The following RARB variants were observed in gnomAD, a reference collection of about 807,000 sequenced individuals.
The protein encoded by RARB is retinoic acid receptor beta.
In RARB, 17 loss-of-function variants were observed where a neutral mutation model predicts 51.9. The observed-to-expected ratio is 0.33, with a 90% CI of 0.22 to 0.49. The LOEUF is 0.49. RARB is among the 20% of genes least tolerant of loss of function. RARB has a pLI of 0.99. For missense variants in RARB, 369 were observed against 550.8 expected, an observed-to-expected ratio of 0.67 and a Z score of 3.30; for synonymous variants, 215 against 195.4, an observed-to-expected ratio of 1.10 and a Z score of -0.84.
upstream of RARB, among the ~76,000 whole-genome samples, chr3:25,423,694 G>A (rs551461694): frequency 6.6e-6 from 1 of 152,192 alleles, no homozygotes; most frequent in Admixed American, 6.5e-5. Flanking sequence ...AGATTTATAG[G>A]GAGTGATGGA....
At chr3:25,222,094 T>C (rs1701960724) in intron 5 of RARB, among the ~76,000 whole-genome samples, 1 of 152,158 alleles carries the variant, frequency 6.6e-6, no homozygotes, top group Non-Finnish European at 1.5e-5. Flanking sequence ...GCGTGACCTG[T>C]CATTCTAATG....
chr3:24,876,699 A>G (rs10510549), intron 2 of RARB, among the ~76,000 whole-genome samples: 9,051 of 152,194 alleles, frequency 0.059, 515 homozygotes, highest in East Asian at 0.2. Flanking sequence ...TCAAGGACCC[A>G]CAATATATTA....
At chr3:25,135,812 C>CA (rs1220014487) in intron 4 of RARB, among the ~76,000 whole-genome samples, 5 of 151,822 alleles carry the variant, frequency 3.3e-5, no homozygotes, top group Non-Finnish European at 7.4e-5. Context: ...AATCAGGCAC[C>CA]ATGCACCAAG....
At chr3:25,283,913 C>G (rs887239860) in intron 5 of RARB, among the ~76,000 whole-genome samples, 24 of 152,316 alleles carry the variant, frequency 1.6e-4, no homozygotes, top group African/African-American at 5.3e-4. Context: ...CTTGAATAAT[C>G]TCTTCCCTTT....
intron 3 of RARB, among the ~76,000 whole-genome samples, chr3:25,561,460 C>A (rs946328721): frequency 9.9e-5 from 15 of 152,016 alleles, no homozygotes; most frequent in African/African-American, 3.6e-4. Flanking sequence ...GTTCACAGCA[C>A]CATGGATCAG....
chr3:25,180,543 G>A (rs546155073), intron 5 of RARB, among the ~76,000 whole-genome samples: 11 of 152,302 alleles, frequency 7.2e-5, no homozygotes, highest in South Asian at 2.1e-4. Context: ...TGGGAGATTA[G>A]CCTCCATGCA....
At chr3:25,069,156 A>AG (rs1698721229) in intron 3 of RARB, among the ~76,000 whole-genome samples, 2 of 152,292 alleles carry the variant, frequency 1.3e-5, no homozygotes, top group Admixed American at 1.3e-4. Context: ...GAAGAAGGAA[A>AG]GGGAAGAGAA....
intron 5 of RARB, among the ~76,000 whole-genome samples, chr3:25,323,658 T>G (rs1317353355): frequency 6.6e-6 from 1 of 152,200 alleles, no homozygotes; most frequent in East Asian, 1.9e-4. Context: ...AGTTTAGAAC[T>G]CTTCAGAAAA....
intron 2 of RARB, among the ~76,000 whole-genome samples, chr3:25,013,923 T>C (rs1029198806): frequency 1.9e-4 from 29 of 152,090 alleles, no homozygotes; most frequent in African/African-American, 7.0e-4. Flanking sequence ...AACTGAAAAG[T>C]GTCGGATAGT....
intron 5 of RARB, among the ~76,000 whole-genome samples, chr3:25,305,302 C>T (rs1455409987): frequency 6.6e-6 from 1 of 152,030 alleles, no homozygotes; most frequent in Admixed American, 6.6e-5. Context: ...CTGGAGCCTG[C>T]ATTAATTAGG....
Position 25,092,142 on chromosome 3 carries a change from G to C in RARB, c.-328+31966G>C, listed in dbSNP as rs140662837. On this transcript the variant is annotated intron_variant, in intron 3 of 11. Transcript: ENST00000383772. The stretch of plus-strand genomic sequence containing the variant: ...AGCCAGGCTCCAGAAATCTGCTGAC[G>C]AGGCACTTAGGAGAGAGGAGGCGGT... 7.0e-3 allele frequency among the ~76,000 whole-genome samples: 1,061 copies of C among 152,252 alleles called. 9 individuals carry two copies. Among genetic ancestry groups the C allele is most frequent in the African/African-American group, 0.024 (983 of 41,556 alleles).
chr3:25,220,385 G>A (rs993129485), intron 5 of RARB, among the ~76,000 whole-genome samples: 2 of 152,124 alleles, frequency 1.3e-5, no homozygotes, highest in South Asian at 4.1e-4. Context: ...TTTGGAGAAG[G>A]CATGATATCA....
rs531695297 is a variant in RARB, at chr3:25,417,551, C to A, written c.179-43642C>A. Among the ~76,000 whole-genome samples the A allele has an allele frequency of 3.3e-5, 5 of 152,288 alleles. No homozygotes were observed. In the South Asian group the frequency reaches 1.0e-3, roughly 32 times the overall value. ...ATGGGAGTTTCCCTGCACAAGCTCT[C>A]TTCTCTTGTCTGCCACCATGTGAGA... is the stretch of plus-strand genomic sequence containing the variant. On this transcript the variant is annotated intron_variant, in intron 5 of 11. Coordinates refer to the RARB transcript ENST00000383772.
At chr3:25,585,940 C>T (rs1489761182) in intron 5 of RARB, among the ~76,000 whole-genome samples, 1 of 152,116 alleles carries the variant, frequency 6.6e-6, no homozygotes, top group Non-Finnish European at 1.5e-5. Context: ...GGAGCAGGGT[C>T]AGTGTGGAGC....
At chr3:25,000,601 G>T (rs921495060) in intron 2 of RARB, among the ~76,000 whole-genome samples, 1 of 151,940 alleles carries the variant, frequency 6.6e-6, no homozygotes, top group Non-Finnish European at 1.5e-5. Flanking sequence ...CTGTACCCCT[G>T]GTCTCTAAGA....
chr3:25,117,515 G>A (rs1699708023), intron 3 of RARB, among the ~76,000 whole-genome samples: 1 of 152,108 alleles, frequency 6.6e-6, no homozygotes, highest in African/African-American at 2.4e-5. Context: ...ATATCCAAAG[G>A]CCAAAGGAAG....
At chr3:25,492,405 A>T (rs368981376) in intron 2 of RARB, among the ~76,000 whole-genome samples, 1 of 152,228 alleles carries the variant, frequency 6.6e-6, no homozygotes, top group Admixed American at 6.5e-5. Context: ...AATAAAGAAC[A>T]TTGTGAACTG....
chr3:25,249,167 C>A (rs1054293278), intron 5 of RARB, among the ~76,000 whole-genome samples: 4 of 152,080 alleles, frequency 2.6e-5, no homozygotes, highest in Non-Finnish European at 5.9e-5. Flanking sequence ...TTATTTCAGA[C>A]AACCTGTCTT....
chr3:25,374,134 T>A (rs1706386433), intron 5 of RARB, among the ~76,000 whole-genome samples: 5 of 152,154 alleles, frequency 3.3e-5, no homozygotes, highest in Admixed American at 2.6e-4. Flanking sequence ...GTAGGAGGGC[T>A]GAGTGGACGT....
Sources: gnomAD v4.1 joint callset for allele counts (sites outside exome capture counted in the v4.1 genomes callset) on GRCh38, gnomAD v4.1.1 for gene constraint, MANE v1.5 for transcripts, NCBI Gene and HGNC (gene_info 2026-07-23, HGNC 2026-07-21) for gene names.